Variants in NGEF observed in about 807,000 individuals in gnomAD.
The protein encoded by NGEF is neuronal guanine nucleotide exchange factor.
A neutral mutation model predicts 80.9 loss-of-function variants in NGEF; 31 were observed. The ratio of observed to expected loss-of-function variants is 0.38; its 90% CI spans 0.29 to 0.52. NGEF has a LOEUF of 0.52. Among genes scored for constraint, NGEF ranks in the 20% least tolerant of loss-of-function variants. The pLI, the probability that NGEF is intolerant of heterozygous loss-of-function variation, is 0.84. For synonymous variants in NGEF, 371 were observed against 370.2 expected (o/e 1.00, Z -0.03); for missense variants, 709 against 926.2 (o/e 0.77, Z 3.04).
intron 3 of NGEF, among the ~76,000 whole-genome samples, chr2:232,953,323 AAAAG>A (rs1693721071): frequency 2.1e-5 from 3 of 146,322 alleles, no homozygotes; most frequent in Non-Finnish European, 4.5e-5. Context: ...AAAAAAAAGA[AAAAG>A]AAAGAAAAAA....
At chr2:233,001,055 G>C (rs1694966800) in intron 1 of NGEF, among the ~76,000 whole-genome samples, 1 of 152,166 alleles carries the variant, frequency 6.6e-6, no homozygotes, top group African/African-American at 2.4e-5. Flanking sequence ...GCCCTGGAGG[G>C]GGCTTCCCCC....
intron 3 of NGEF, among the ~76,000 whole-genome samples, chr2:232,961,583 C>T (rs1015214839): frequency 6.6e-6 from 1 of 152,138 alleles, no homozygotes; most frequent in South Asian, 2.1e-4. Context: ...AGCTCCACCT[C>T]CTGAGTTCAT....
intron 8 of NGEF, chr2:232,891,077 C>G (rs1405033776): frequency 1.8e-6 from 1 of 544,704 alleles, no homozygotes; most frequent in Non-Finnish European, 3.6e-6. Context: ...ATCGCTGCAA[C>G]TGGCAGTGGC....
intron 1 of NGEF, among the ~76,000 whole-genome samples, chr2:233,002,365 A>C (rs1394215031): frequency 6.6e-6 from 1 of 152,212 alleles, no homozygotes; most frequent in East Asian, 1.9e-4. Flanking sequence ...TAAGACAGGC[A>C]GTACATGGAC....
intron 1 of NGEF, among the ~76,000 whole-genome samples, chr2:232,986,463 C>T (rs1477199645): frequency 1.3e-5 from 2 of 152,170 alleles, no homozygotes; most frequent in African/African-American, 4.8e-5. Flanking sequence ...ATATGTCCAT[C>T]TACAGATAAA....
Position 232,974,946 on chromosome 2 carries a change from A to G in NGEF, c.-56T>C, listed in dbSNP as rs998223858. 1.9e-6 allele frequency: 3 copies of G among 1,567,290 alleles called. No individual in the cohort carries two copies. ...CGACTGGAGGTCAATGACTTTCCCA[A>G]GCTTCACTGGTTTGAGTGCTTTAGA... On this transcript the variant is annotated 5_prime_UTR_variant, in exon 2 of 15. Coordinates refer to ENST00000264051, the MANE Select transcript of NGEF (RefSeq NM_019850.3).
chr2:232,937,015 G>C (rs1005962882), intron 3 of NGEF, among the ~76,000 whole-genome samples: 3 of 152,096 alleles, frequency 2.0e-5, no homozygotes, highest in African/African-American at 7.2e-5. Flanking sequence ...CATAGCCCAG[G>C]CTGGAGTGCA....
intron 3 of NGEF, among the ~76,000 whole-genome samples, chr2:232,950,798 A>G (rs980454668): frequency 1.3e-5 from 2 of 152,080 alleles, no homozygotes; most frequent in Non-Finnish European, 2.9e-5. Context: ...TGAGAGTTTG[A>G]TCTGAAACCC....
At chr2:232,978,703 C>T (rs1215626377) in intron 1 of NGEF, among the ~76,000 whole-genome samples, 2 of 152,098 alleles carry the variant, frequency 1.3e-5, no homozygotes, top group Non-Finnish European at 2.9e-5. Flanking sequence ...CGGCAACCAC[C>T]AATTAGAGTC....
intron 3 of NGEF, among the ~76,000 whole-genome samples, chr2:232,934,098 T>C (rs1222442370): frequency 6.6e-6 from 1 of 151,982 alleles, no homozygotes; most frequent in Non-Finnish European, 1.5e-5. Flanking sequence ...GAAAATTAGC[T>C]GGGCGTGATG....
chr2:232,883,718 G>A lies in NGEF; in HGVS notation c.1602-252C>T, dbSNP rs369670252. ...ACCGTGGCCTCCCTGCTGAGCACTC[G>A]CTATGTATCAGACACTGGGCTGGGC... On this transcript the variant is annotated intron_variant, in intron 11 of 14. Coordinates refer to ENST00000264051, the MANE Select transcript of NGEF (RefSeq NM_019850.3). Among the ~76,000 whole-genome samples, 5 of 152,310 alleles carry A rather than the reference G, an allele frequency of 3.3e-5. No homozygotes were observed. The East Asian group carries it at 5.8e-4, about 18-fold the overall frequency.
chr2:232,896,791 A>AGGGTGTGGTTAGGGGCGT (rs1692098442), intron 5 of NGEF, among the ~76,000 whole-genome samples: 1 of 35,644 alleles, frequency 2.8e-5, no homozygotes, highest in Non-Finnish European at 5.1e-5. Flanking sequence ...GGTAGGGGTG[A>AGGGTGTGGTTAGGGGCGT]GGGTGAAGGT....
Position 232,958,426 on chromosome 2 carries a change from G to A in NGEF, c.383+11788C>T, listed in dbSNP as rs1360803351. Among the ~76,000 whole-genome samples, 4 of 152,320 alleles carry A rather than the reference G, an allele frequency of 2.6e-5. No individual in the cohort carries two copies. In the East Asian group the frequency reaches 5.8e-4, roughly 22 times the overall value. On this transcript the variant is annotated intron_variant, in intron 3 of 14. Coordinates refer to ENST00000264051, the MANE Select transcript of NGEF (RefSeq NM_019850.3). Reference sequence around the variant, plus strand: ...GTGTATCTTCAAGAGGTCAGTGGTTGAGCTCCTAGATCTCAGCTTCTGCCC... The same window carrying A: ...GTGTATCTTCAAGAGGTCAGTGGTTAAGCTCCTAGATCTCAGCTTCTGCCC...
At chr2:232,924,162 G>A (rs1250532424) in intron 4 of NGEF, among the ~76,000 whole-genome samples, 1 of 152,112 alleles carries the variant, frequency 6.6e-6, no homozygotes, top group Non-Finnish European at 1.5e-5. Context: ...ACTTGAACCC[G>A]GGAGGAGGAG....
chr2:232,975,401 G>T (rs1435908461), intron 1 of NGEF, among the ~76,000 whole-genome samples: 1 of 152,154 alleles, frequency 6.6e-6, no homozygotes, highest in Non-Finnish European at 1.5e-5. Flanking sequence ...GTTTAGACAT[G>T]GGCAAGGTTG....
At chr2:232,947,640 G>T (rs2106302714) in intron 3 of NGEF, among the ~76,000 whole-genome samples, 1 of 152,248 alleles carries the variant, frequency 6.6e-6, no homozygotes, top group South Asian at 2.1e-4. Context: ...GTTTCCTGAG[G>T]CCTCCTCAGC....
intron 8 of NGEF, among the ~76,000 whole-genome samples, chr2:232,889,637 T>A (rs1194829572): frequency 6.6e-6 from 1 of 152,210 alleles, no homozygotes; most frequent in African/African-American, 2.4e-5. Context: ...TTTTCCAAGT[T>A]AAAAAAATAT....
chr2:232,928,656 G>C (rs1693149517), intron 3 of NGEF, among the ~76,000 whole-genome samples: 1 of 152,150 alleles, frequency 6.6e-6, no homozygotes, highest in African/African-American at 2.4e-5. Context: ...TTGCAAGCCC[G>C]CTCCTGAGCC....
At chr2:232,885,608 C>G in intron 9 of NGEF, 1 of 536,212 alleles carries the variant, frequency 1.9e-6, no homozygotes. Flanking sequence ...CTTGCCCTTG[C>G]TAGGAAGCAA....
Sources: allele counts gnomAD v4.1 joint callset (sites outside exome capture counted in the v4.1 genomes callset), GRCh38; gene constraint gnomAD v4.1.1; transcripts MANE v1.5; gene names NCBI Gene and HGNC (gene_info 2026-07-23, HGNC 2026-07-21).